The following KCNJ6 variants were observed in gnomAD, a reference collection of about 807,000 sequenced individuals.
KCNJ6 encodes potassium inwardly rectifying channel subfamily J member 6.
A neutral mutation model predicts 34.2 loss-of-function variants in KCNJ6; 9 were observed. That is an observed-to-expected ratio of 0.26 (90% CI 0.16 to 0.46). KCNJ6 has a LOEUF of 0.46. KCNJ6 is among the 20% of genes least tolerant of loss of function. KCNJ6 has a pLI of 1.00. For missense variants in KCNJ6, 236 were observed against 531.3 expected, an observed-to-expected ratio of 0.44 and a Z score of 5.46; for synonymous variants, 196 against 207.1, an observed-to-expected ratio of 0.95 and a Z score of 0.46.
intron 3 of KCNJ6, among the ~76,000 whole-genome samples, chr21:37,661,767 C>T (rs545089003): frequency 1.5e-4 from 23 of 148,886 alleles, no homozygotes; most frequent in South Asian, 8.7e-4. Flanking sequence ...GGTCTACAGG[C>T]GCCGGCCACC....
At chr21:37,643,468 C>T (rs1352288547) in intron 3 of KCNJ6, among the ~76,000 whole-genome samples, 2 of 152,148 alleles carry the variant, frequency 1.3e-5, no homozygotes, top group South Asian at 2.1e-4. Flanking sequence ...CCTGCCTCTA[C>T]CCTTGCTCCT....
At chr21:37,710,091 A>G (rs1273709873) in intron 3 of KCNJ6, among the ~76,000 whole-genome samples, 1 of 152,226 alleles carries the variant, frequency 6.6e-6, no homozygotes, top group Non-Finnish European at 1.5e-5. Flanking sequence ...AGAAGAAGTC[A>G]TAGATTAAGA....
At chr21:37,744,518 G>C (rs2054957465) in intron 2 of KCNJ6, among the ~76,000 whole-genome samples, 1 of 152,162 alleles carries the variant, frequency 6.6e-6, no homozygotes, top group African/African-American at 2.4e-5. Flanking sequence ...GGGAGGAGGA[G>C]AAAAGGGCAA....
intron 2 of KCNJ6, among the ~76,000 whole-genome samples, chr21:37,743,065 T>C (rs1223663110): frequency 1.3e-5 from 2 of 152,136 alleles, no homozygotes; most frequent in Non-Finnish European, 1.5e-5. Flanking sequence ...GCTCCCAATA[T>C]GTTTAGTTTC....
In KCNJ6 at chr21:37,836,023, A is replaced by G. The variant is rs550681775; in HGVS notation, c.25+4635T>C. Reference sequence around the variant, plus strand: ...GGGCTAATATCCAGAATCTACAAATAACTTAAACAAAATTTACACGAAAAA... The same window carrying G: ...GGGCTAATATCCAGAATCTACAAATGACTTAAACAAAATTTACACGAAAAA... On this transcript the variant is annotated intron_variant, in intron 2 of 3. Coordinates refer to ENST00000609713, the MANE Select transcript of KCNJ6 (RefSeq NM_002240.5). Among the ~76,000 whole-genome samples, 5 of 152,346 alleles carry G rather than the reference A, an allele frequency of 3.3e-5. No homozygotes were observed. The East Asian group carries it at 9.6e-4, about 29-fold the overall frequency.
intron 1 of KCNJ6, among the ~76,000 whole-genome samples, chr21:37,913,409 C>A (rs2055876438): frequency 6.6e-6 from 1 of 152,232 alleles, no homozygotes; most frequent in South Asian, 2.1e-4. Context: ...TGGCTCTCAT[C>A]TTGCTAACAA....
rs199601442 is a variant in KCNJ6 at position 37,714,203 on chromosome 21, C to T, written c.946+8G>A. On this transcript the variant is annotated splice_region_variant and intron_variant, in intron 3 of 3. Coordinates refer to ENST00000609713, the MANE Select transcript of KCNJ6 (RefSeq NM_002240.5). This position sits in a 1 kb window ranked among gnomAD's most constrained non-coding sequence, Gnocchi z 5.9. ...CCCACAGCCATCCCAGGATAGAACA[C>T]ATCTTACCTGTGGCTTCCACCATTC... 1.2e-6 allele frequency: 2 copies of T among 1,600,602 alleles called. No homozygotes were observed. Among genetic ancestry groups the T allele is most frequent in the East Asian group, 2.2e-5 (1 of 44,826 alleles).
chr21:37,701,850 T>C (rs2054692784), intron 3 of KCNJ6, among the ~76,000 whole-genome samples: 1 of 152,098 alleles, frequency 6.6e-6, no homozygotes, highest in Non-Finnish European at 1.5e-5. Context: ...CAGGGGGATC[T>C]TATAGGCCAA....
At chr21:37,900,880 A>G (rs1429255547) in intron 1 of KCNJ6, among the ~76,000 whole-genome samples, 1 of 152,234 alleles carries the variant, frequency 6.6e-6, no homozygotes, top group Non-Finnish European at 1.5e-5. Flanking sequence ...TGACTTGGAG[A>G]GAAGTTGATG....
chr21:37,657,154 C>A (rs1385314535), intron 3 of KCNJ6, among the ~76,000 whole-genome samples: 1 of 152,140 alleles, frequency 6.6e-6, no homozygotes, highest in East Asian at 1.9e-4. Flanking sequence ...CCCAGCCGGT[C>A]CCCAGGTATC....
intron 3 of KCNJ6, among the ~76,000 whole-genome samples, chr21:37,687,896 T>C (rs2054622722): frequency 6.6e-6 from 1 of 152,198 alleles, no homozygotes; most frequent in African/African-American, 2.4e-5. Context: ...ATGGATAAAG[T>C]TGCTAGATAA....
chr21:37,700,734 G>C (rs529697895), intron 3 of KCNJ6, among the ~76,000 whole-genome samples: 15 of 152,108 alleles, frequency 9.9e-5, no homozygotes, highest in Non-Finnish European at 2.1e-4. Flanking sequence ...AGCCAGGGCC[G>C]CCTCATATGG....
rs1393510125 is a variant in KCNJ6, at chr21:37,610,886, AAAG to A, written c.*14270_*14272del. ...TATAACATTGAATGCAGATAGCACA[AAAG>A]AAGATCTGAAATCAATCATTTAAGT... On this transcript the variant is annotated 3_prime_UTR_variant, in exon 4 of 4. Coordinates refer to ENST00000609713, the MANE Select transcript of KCNJ6 (RefSeq NM_002240.5). The A allele has an allele frequency of 6.6e-6, 1 of 152,182 alleles. No individual in the cohort carries two copies. The highest frequency in any genetic ancestry group is 1.5e-5 in the Non-Finnish European group (1 of 68,032). 9.4% of individuals were successfully genotyped at this position (152,182 alleles called of 1,614,324 possible).
At chr21:37,661,098 A>G (rs2054486239) in intron 3 of KCNJ6, among the ~76,000 whole-genome samples, 3 of 152,278 alleles carry the variant, frequency 2.0e-5, no homozygotes, top group South Asian at 2.1e-4. Flanking sequence ...TACTATCTCT[A>G]TGTTTCTGAA....
chr21:37,673,423 G>A (rs2054550825), intron 3 of KCNJ6, among the ~76,000 whole-genome samples: 1 of 152,260 alleles, frequency 6.6e-6, no homozygotes, highest in African/African-American at 2.4e-5. Context: ...CCGGCTCCTT[G>A]GAGCTCATCC....
At chr21:37,677,811 T>TCCCCCCC (rs2054573495) in intron 3 of KCNJ6, among the ~76,000 whole-genome samples, 1 of 111,140 alleles carries the variant, frequency 9.0e-6, no homozygotes, top group African/African-American at 6.3e-5. Context: ...CACCCACCCA[T>TCCCCCCC]CCAGTCATTT....
rs919182384 is a variant in KCNJ6 at position 37,610,509 on chromosome 21, G to T, written c.*14650C>A. 1 of 144,568 alleles carries T rather than the reference G, an allele frequency of 6.9e-6. No homozygotes were observed. The highest frequency in any genetic ancestry group is 1.5e-5 in the Non-Finnish European group (1 of 67,014). 9.0% of individuals were successfully genotyped at this position (144,568 alleles called of 1,614,324 possible). ...AACTACTTGGGAGGCTGAGGCAGGAGAATCGCTTGAACCCCGGAGGCAGAG... is the reference window on the plus strand; with the variant it reads ...AACTACTTGGGAGGCTGAGGCAGGATAATCGCTTGAACCCCGGAGGCAGAG... On this transcript the variant is annotated 3_prime_UTR_variant, in exon 4 of 4. Coordinates refer to ENST00000609713, the MANE Select transcript of KCNJ6 (RefSeq NM_002240.5).
intron 3 of KCNJ6, among the ~76,000 whole-genome samples, chr21:37,649,908 C>T (rs896085848): frequency 8.6e-5 from 12 of 138,928 alleles, no homozygotes; most frequent in Non-Finnish European, 1.4e-4. Flanking sequence ...CGCCCGCCAC[C>T]ACACCCAGCT....
chr21:37,847,734 G>A (rs2055516597), intron 1 of KCNJ6, among the ~76,000 whole-genome samples: 1 of 150,778 alleles, frequency 6.6e-6, no homozygotes, highest in African/African-American at 2.4e-5. Context: ...GGAGCAAAGA[G>A]AAAGGGAGAG....
Sources: gnomAD v4.1 joint callset for allele counts (sites outside exome capture counted in the v4.1 genomes callset) on GRCh38, gnomAD v4.1.1 for gene constraint, Gnocchi (gnomAD v3.1) non-coding constraint, MANE v1.5 for transcripts, NCBI Gene and HGNC (gene_info 2026-07-23, HGNC 2026-07-21) for gene names.